Variants in TELO2 observed in about 807,000 individuals in gnomAD.
The protein encoded by TELO2 is telomere maintenance 2.
In TELO2, 71 loss-of-function variants were observed where a neutral mutation model predicts 91.0. That is an observed-to-expected ratio of 0.78 (90% confidence interval 0.64 to 0.95). The LOEUF is 0.95. Ranked by LOEUF, TELO2 falls within the 40% of genes least tolerant of loss-of-function variation. The pLI, the probability that TELO2 is intolerant of heterozygous loss-of-function variation, is 0.00. For synonymous variants in TELO2, 584 were observed against 518.9 expected, an observed-to-expected ratio of 1.13 and a Z score of -1.71; for missense variants, 1,183 against 1,141.3, an observed-to-expected ratio of 1.04 and a Z score of -0.53.
chr16:1,509,818 C>G lies in TELO2; in HGVS notation c.2408-12C>G, dbSNP rs376999422. On this transcript the variant is annotated splice_polypyrimidine_tract_variant and intron_variant, in intron 20 of 20. Transcript: ENST00000262319. ...CGCTGCCTCAGCTTTGCTTGTCACT[C>G]TCGTCTGGCAGACGTGGCTGAGAAA... is the stretch of plus-strand genomic sequence containing the variant. 2.5e-6 allele frequency: 4 copies of G among 1,607,404 alleles called. No homozygotes were observed. Among genetic ancestry groups the G allele is most frequent in the Non-Finnish European group, 3.4e-6 (4 of 1,177,774 alleles).
intron 5 of TELO2, among the ~76,000 whole-genome samples, chr16:1,498,950 C>T (rs997274022): frequency 3.9e-5 from 6 of 152,054 alleles, no homozygotes; most frequent in South Asian, 2.1e-4. Flanking sequence ...AGGGTGGACC[C>T]GCCTCCGCCC....
chr16:1,501,889 C>T (rs2039699756), intron 11 of TELO2, 116 bp downstream of exon 11: 22 of 1,440,750 alleles, frequency 1.5e-5, no homozygotes, highest in South Asian at 7.0e-5. Context: ...TCTTCTCTTT[C>T]GTCCTCATGT....
intron 15 of TELO2, among the ~76,000 whole-genome samples, chr16:1,504,433 CAAA>C (rs1197074771): frequency 3.7e-5 from 1 of 26,920 alleles, no homozygotes; most frequent in African/African-American, 1.1e-4. Flanking sequence ...GACTCCATCT[CAAA>C]AAAAAAAAAA....
rs558744294 is a variant in TELO2, at chr16:1,504,166, G to A, written c.1842+1164G>A. Among the ~76,000 whole-genome samples, 540 of 150,892 alleles carry A rather than the reference G, an allele frequency of 3.6e-3. 1 individual carries two copies. Among genetic ancestry groups the A allele is most frequent in the Middle Eastern group, 0.01 (3 of 288 alleles). Reference sequence around the variant, plus strand: ...AAAAAAAAAAGCAGCCGGCCACGGCGGCTCACACCTGTAATCCCAGCACTT... The same window carrying A: ...AAAAAAAAAAGCAGCCGGCCACGGCAGCTCACACCTGTAATCCCAGCACTT... On this transcript the variant is annotated intron_variant, in intron 15 of 20. Transcript: ENST00000262319.
Position 1,494,870 on chromosome 16 carries a change from A to G in TELO2, c.335+254A>G, listed in dbSNP as rs1470595969. On this transcript the variant is annotated intron_variant, in intron 2 of 20. Transcript: ENST00000262319. This position sits in a 1 kb window ranked among gnomAD's most constrained non-coding sequence, Gnocchi z 5.6. ...AGAGAGGGATGGGGTGGGAGTGTTC[A>G]CATCCCAGGCGGCAGAGGCAGCCCG... Among the ~76,000 whole-genome samples, 1 of 152,134 alleles carries G rather than the reference A, an allele frequency of 6.6e-6. No homozygotes were observed. The highest frequency in any genetic ancestry group is 1.5e-5 in the Non-Finnish European group (1 of 68,018).
chr16:1,497,597 C>A lies in TELO2; in HGVS notation c.830+89C>A. 1 of 1,451,842 alleles carries A rather than the reference C, an allele frequency of 6.9e-7. No homozygotes were observed. The highest frequency in any genetic ancestry group is 9.1e-7 in the Non-Finnish European group (1 of 1,098,220). The allele number at this position is 1,451,842 out of a possible 1,614,324, so 89.9% of individuals were successfully genotyped here. A position where few individuals can be genotyped will look rare whatever the true frequency, so the allele number is the denominator to read the frequency against. ...ATTCCTTCACGCTACTTCTCCTGGG[C>A]GCCGTGCTGCAGCTGGCACCCCCAT... On this transcript the variant is annotated intron_variant, in intron 5 of 20. Coordinates refer to ENST00000262319, the MANE Select transcript of TELO2 (RefSeq NM_016111.4). The surrounding 1 kb of genome is among the most constrained non-coding windows in gnomAD (Gnocchi z 4.0).
chr16:1,495,907 A>C (rs2039474497), intron 3 of TELO2, among the ~76,000 whole-genome samples: 1 of 152,058 alleles, frequency 6.6e-6, no homozygotes, highest in South Asian at 2.1e-4. Context: ...CGAGGTTCTC[A>C]GGTCTGGAGG....
chr16:1,510,221 C>T lies in TELO2; in HGVS notation c.*285C>T. Reference sequence around the variant, plus strand: ...GTTGACTCTTCCAGTGAGGGCAGAACCAGGCTGGCAGGAGGGGAGGACGGT... The same window carrying T: ...GTTGACTCTTCCAGTGAGGGCAGAATCAGGCTGGCAGGAGGGGAGGACGGT... On this transcript the variant is annotated 3_prime_UTR_variant, in exon 21 of 21. Coordinates refer to ENST00000262319, the MANE Select transcript of TELO2 (RefSeq NM_016111.4). 4.4e-6 allele frequency: 2 copies of T among 453,380 alleles called. No homozygotes were observed. The highest frequency in any genetic ancestry group is 8.8e-5 in the East Asian group (2 of 22,606). 28.1% of individuals were successfully genotyped at this position (453,380 alleles called of 1,614,324 possible).
rs1000499131 is a variant in TELO2, at chr16:1,510,060, G to A, written c.*124G>A. 24 of 787,050 alleles carry A rather than the reference G, an allele frequency of 3.0e-5. No homozygotes were observed. Among genetic ancestry groups the A allele is most frequent in the African/African-American group, 7.0e-5 (4 of 57,434 alleles). 48.8% of individuals were successfully genotyped at this position (787,050 alleles called of 1,614,324 possible). ...TCTTCGGCCGCATCCGGTACGGAGAGTGCAGATGCAGGAAGGCCCGGCCTG... is the reference window on the plus strand; with the variant it reads ...TCTTCGGCCGCATCCGGTACGGAGAATGCAGATGCAGGAAGGCCCGGCCTG... On this transcript the variant is annotated 3_prime_UTR_variant, in exon 21 of 21. Transcript: ENST00000262319.
chr16:1,510,029 G>C lies in TELO2; in HGVS notation c.*93G>C. On this transcript the variant is annotated 3_prime_UTR_variant, in exon 21 of 21. Transcript: ENST00000262319. The stretch of plus-strand genomic sequence containing the variant: ...CAGCAGAGCCAGGCTTTGTAGCGAG[G>C]CCAGGTCTTCGGCCGCATCCGGTAC... The C allele has an allele frequency of 1.7e-6, 2 of 1,170,082 alleles. No individual in the cohort carries two copies. The highest frequency in any genetic ancestry group is 4.3e-5 in the Admixed American group (2 of 46,764). The allele number at this position is 1,170,082 out of a possible 1,614,324, so 72.5% of individuals were successfully genotyped here.
Position 1,499,755 on chromosome 16 carries a change from C to T in TELO2, c.934-341C>T, listed in dbSNP as rs373952250. 3.5e-4 allele frequency among the ~76,000 whole-genome samples: 54 copies of T among 152,328 alleles called. 1 individual carries two copies. The South Asian group carries it at 6.4e-3, about 18-fold the overall frequency. ...TGGGTGAGCCGGGTCCCCTGACTCC[C>T]GGCCACATCTTGCTTCACCCTCCTC... On this transcript the variant is annotated intron_variant, in intron 6 of 20. Transcript: ENST00000262319.
chr16:1,508,981 C>T (rs1596275371), intron 20 of TELO2, among the ~76,000 whole-genome samples: 1 of 152,232 alleles, frequency 6.6e-6, no homozygotes, highest in East Asian at 1.9e-4. Flanking sequence ...GGAGCTGCTG[C>T]CCAACCCCTC....
Position 1,509,815 on chromosome 16 carries a change from ACT to A in TELO2, c.2408-11_2408-10del, listed in dbSNP as rs2040067553. On this transcript the variant is annotated splice_polypyrimidine_tract_variant and intron_variant, in intron 20 of 20. Coordinates refer to ENST00000262319, the MANE Select transcript of TELO2 (RefSeq NM_016111.4). ...CCACGCTGCCTCAGCTTTGCTTGTC[ACT>A]CTCGTCTGGCAGACGTGGCTGAGAA... 2 of 1,605,672 alleles carry A rather than the reference ACT, an allele frequency of 1.2e-6. No individual in the cohort carries two copies. Among genetic ancestry groups the A allele is most frequent in the African/African-American group, 1.3e-5 (1 of 74,726 alleles).
chr16:1,506,646 A>G, intron 17 of TELO2: 1 of 1,375,684 alleles, frequency 7.3e-7, no homozygotes, highest in Non-Finnish European at 9.4e-7. Context: ...CCGGCGCTGC[A>G]CTGGCCCCAC....
In TELO2 at chr16:1,510,320, G is replaced by A; in HGVS notation, c.*384G>A. ...CAGGACAGAGCAGCTCTTGTCCCAG[G>A]TCCCTCGGGCTGAGCGCCGTGTCAC... On this transcript the variant is annotated 3_prime_UTR_variant, in exon 21 of 21. Transcript: ENST00000262319. 3.7e-6 allele frequency: 1 copy of A among 268,610 alleles called. No individual in the cohort carries two copies. The highest frequency in any genetic ancestry group is 7.2e-6 in the Non-Finnish European group (1 of 138,346). The allele number at this position is 268,610 out of a possible 1,614,324, so 16.6% of individuals were successfully genotyped here.
In TELO2 at chr16:1,509,477, C is replaced by T. The variant is rs1014757699; in HGVS notation, c.2408-353C>T. ...ACAGGCGGGTGGCACGCCCACCACCCGGATTCCTACGGTCTTCCACCTCCG... is the reference window on the plus strand; with the variant it reads ...ACAGGCGGGTGGCACGCCCACCACCTGGATTCCTACGGTCTTCCACCTCCG... On this transcript the variant is annotated intron_variant, in intron 20 of 20. Transcript: ENST00000262319. Among the ~76,000 whole-genome samples, 7 of 152,352 alleles carry T rather than the reference C, an allele frequency of 4.6e-5. No individual in the cohort carries two copies. The South Asian group carries it at 1.0e-3, about 23-fold the overall frequency.
At chr16:1,504,966 C>G (rs2039836557) in intron 15 of TELO2, among the ~76,000 whole-genome samples, 1 of 152,140 alleles carries the variant, frequency 6.6e-6, no homozygotes, top group African/African-American at 2.4e-5. Flanking sequence ...TGGGAGCCTC[C>G]GGTCTGGCGC....
At position 1,502,121 on chromosome 16, in the gene TELO2, G is replaced by A. The variant is rs141154049; in HGVS notation, c.1547G>A (p.Arg516Gln). 2.4e-5 allele frequency: 38 copies of A among 1,612,844 alleles called. No individual in the cohort carries two copies. The African/African-American group carries it at 3.2e-4, about 14-fold the overall frequency. Reference sequence around the variant, plus strand: ...AGCAGCAAGGCTCCTGCCTACGTCCGGGACTGCGTGGAAGGTGGGCACGGG... The same window carrying A: ...AGCAGCAAGGCTCCTGCCTACGTCCAGGACTGCGTGGAAGGTGGGCACGGG... ...LKSSKAPAYVRDCVEALTTSE... is the reference protein window; with the variant it reads ...LKSSKAPAYVQDCVEALTTSE... Residue 516 changes from arginine (R) to glutamine (Q), a missense_variant, in exon 12 of 21, where the codon CGG becomes CAG. Physicochemically the swap from Arg to Gln is conservative, Grantham distance 43. Coordinates refer to ENST00000262319, the MANE Select transcript of TELO2 (RefSeq NM_016111.4).
In TELO2 at chr16:1,507,037, G is replaced by A; in HGVS notation, c.2212G>A (p.Ala738Thr). The A allele has an allele frequency of 6.2e-7, 1 of 1,609,508 alleles. No homozygotes were observed. Among genetic ancestry groups the A allele is most frequent in the South Asian group, 1.1e-5 (1 of 90,350 alleles). Residue 738 changes from alanine to threonine, a missense_variant, in exon 18 of 21, where the codon GCT becomes ACT. Ala to Thr is a moderately conservative substitution (Grantham distance 58, BLOSUM62 0). Coordinates refer to ENST00000262319, the MANE Select transcript of TELO2 (RefSeq NM_016111.4). ...CACCTTAGGGGCCCTGATGTGCCTG[G>A]CTGTTAACACCACGGTGAGCCGGGA... ...AHTLGALMCL[A>T]VNTTVAVAMG...
Sources: allele counts gnomAD v4.1 joint callset (sites outside exome capture counted in the v4.1 genomes callset), GRCh38; gene constraint gnomAD v4.1.1; non-coding constraint Gnocchi (gnomAD v3.1); transcripts MANE v1.5; gene names NCBI Gene and HGNC (gene_info 2026-07-23, HGNC 2026-07-21).